The following CRIM1 variants were observed in gnomAD, a reference collection of about 807,000 sequenced individuals.
CRIM1 encodes cysteine rich transmembrane BMP regulator 1, also known as cysteine-rich motor neuron 1 protein.
CRIM1 carries 32 observed loss-of-function variants against 116.4 expected under a neutral mutation model. The ratio of observed to expected loss-of-function variants is 0.27; its 90% CI spans 0.21 to 0.37. The LOEUF (loss-of-function observed/expected upper bound fraction) is 0.37. Ranked by LOEUF, CRIM1 falls within the 10% of genes least tolerant of loss-of-function variation. The pLI, the probability that CRIM1 is intolerant of heterozygous loss-of-function variation, is 1.00. For synonymous variants in CRIM1, 590 were observed against 509.2 expected, an observed-to-expected ratio of 1.16 and a Z score of -2.13; for missense variants, 1,331 against 1,354.8, an observed-to-expected ratio of 0.98 and a Z score of 0.28.
intron 7 of CRIM1, among the ~76,000 whole-genome samples, chr2:36,480,704 C>G (rs559926284): frequency 2.6e-5 from 4 of 152,102 alleles, no homozygotes; most frequent in African/African-American, 9.7e-5. Flanking sequence ...CCTTAAAAAT[C>G]ATATAAAAGT....
chr2:36,537,359 A>G lies in CRIM1; in HGVS notation c.2436A>G (p.Thr812=), dbSNP rs1349662194. 1 of 1,614,194 alleles carries G rather than the reference A, an allele frequency of 6.2e-7. No homozygotes were observed. Among genetic ancestry groups the G allele is most frequent in the Non-Finnish European group, 8.5e-7 (1 of 1,180,026 alleles). The change falls in exon 14 of 17, where the codon ACA becomes ACG. Residue 812 remains threonine, a synonymous_variant. Coordinates refer to ENST00000280527, the MANE Select transcript of CRIM1 (RefSeq NM_016441.3). The stretch of plus-strand genomic sequence containing the variant: ...TGCTGTTCTTTTCACTAGAAGACAC[A>G]ATTCCAAAGAAGGTGGTGTGCCACT... ...GQCCPYCIED[T]IPKKVVCHFS...
rs1457779508 is a variant in CRIM1 at position 36,550,220 on chromosome 2, T to TAATC, written c.*1521_*1524dup. The TAATC allele has an allele frequency of 6.6e-6, 1 of 150,514 alleles. No homozygotes were observed. Among genetic ancestry groups the TAATC allele is most frequent in the East Asian group, 2.0e-4 (1 of 5,028 alleles). 9.3% of individuals were successfully genotyped at this position (150,514 alleles called of 1,614,324 possible). A position where few individuals can be genotyped will look rare whatever the true frequency, so the allele number is the denominator to read the frequency against. On this transcript the variant is annotated 3_prime_UTR_variant, in exon 17 of 17. Coordinates refer to ENST00000280527, the MANE Select transcript of CRIM1 (RefSeq NM_016441.3). ...TGATGGCAGTTCTTATCTGCATCAC[T>TAATC]AATCAGCTCCTGGATTTTTTTTTTT...
In CRIM1 at chr2:36,356,138, C is replaced by G. The variant is rs1442515806; in HGVS notation, c.-155C>G. ...CCGCAGAAGGGGCGGGGGCCTCGCCCCGCGAGGGGAGGCGCGCCCCGGGGG... is the reference window on the plus strand; with the variant it reads ...CCGCAGAAGGGGCGGGGGCCTCGCCGCGCGAGGGGAGGCGCGCCCCGGGGG... On this transcript the variant is annotated 5_prime_UTR_variant, in exon 1 of 17. Transcript: ENST00000280527. This position sits in a 1 kb window ranked among gnomAD's most constrained non-coding sequence, Gnocchi z 4.3. The G allele has an allele frequency of 5.8e-6, 1 of 171,086 alleles. No individual in the cohort carries two copies. The highest frequency in any genetic ancestry group is 1.2e-5 in the Non-Finnish European group (1 of 83,636). 10.6% of individuals were successfully genotyped at this position (171,086 alleles called of 1,614,324 possible).
intron 1 of CRIM1, among the ~76,000 whole-genome samples, chr2:36,385,742 C>G (rs72785175): frequency 3.3e-5 from 5 of 152,190 alleles, no homozygotes; most frequent in Non-Finnish European, 7.4e-5. Flanking sequence ...GACTACCTCA[C>G]TTTCCTGTTT....
intron 2 of CRIM1, among the ~76,000 whole-genome samples, chr2:36,438,514 ATTAG>A (rs1258043802): frequency 2.6e-5 from 4 of 152,102 alleles, no homozygotes; most frequent in Non-Finnish European, 5.9e-5. Context: ...GGAATTCCTT[ATTAG>A]TTAATCATGT....
intron 7 of CRIM1, among the ~76,000 whole-genome samples, chr2:36,487,873 A>G (rs1447659792): frequency 1.3e-5 from 2 of 152,216 alleles, no homozygotes; most frequent in East Asian, 3.8e-4. Flanking sequence ...TTAAATGGTC[A>G]TATACTGTAT....
chr2:36,362,615 C>T (rs896905968), intron 1 of CRIM1, among the ~76,000 whole-genome samples: 15 of 152,174 alleles, frequency 9.9e-5, no homozygotes, highest in Non-Finnish European at 1.3e-4. Flanking sequence ...GCTGCTTGCC[C>T]TGGGCAGTAG....
intron 1 of CRIM1, chr2:36,378,637 C>A: frequency 4.2e-6 from 1 of 238,766 alleles, no homozygotes; most frequent in Non-Finnish European, 8.5e-6. Flanking sequence ...TTGGTGGGGA[C>A]TGCTGTCCTA....
intron 2 of CRIM1, among the ~76,000 whole-genome samples, chr2:36,419,542 A>G (rs1173651481): frequency 1.3e-5 from 2 of 152,214 alleles, no homozygotes; most frequent in Non-Finnish European, 2.9e-5. Flanking sequence ...TGTTCTTGAT[A>G]ATGTACCACG....
chr2:36,484,766 A>T (rs953934485), intron 7 of CRIM1, among the ~76,000 whole-genome samples: 1 of 152,196 alleles, frequency 6.6e-6, no homozygotes, highest in African/African-American at 2.4e-5. Flanking sequence ...TGAAGCCAAC[A>T]CCAGAGTATC....
chr2:36,433,229 C>T (rs1209629193), intron 2 of CRIM1, among the ~76,000 whole-genome samples: 2 of 106,970 alleles, frequency 1.9e-5, no homozygotes, highest in Non-Finnish European at 3.9e-5. Context: ...TTCCAGCAAG[C>T]TCCCAAGCTC....
chr2:36,509,894 A>G, intron 8 of CRIM1, 89 bp from the exon 9 acceptor site: 1 of 1,123,978 alleles, frequency 8.9e-7, no homozygotes. Context: ...TCTGTGGAAG[A>G]GTGGAGGATT....
At chr2:36,508,158 G>T (rs1183878339) in intron 8 of CRIM1, among the ~76,000 whole-genome samples, 1 of 151,982 alleles carries the variant, frequency 6.6e-6, no homozygotes, top group East Asian at 1.9e-4. Flanking sequence ...CTCTTTTAAG[G>T]ATGCAAATTA....
In CRIM1 at chr2:36,537,534, C is replaced by T; in HGVS notation, c.2611C>T (p.Pro871Ser). The change falls in exon 14 of 17, where the codon CCA (proline) becomes TCA (serine). Residue 871 changes from proline (P) to serine (S), a missense_variant. Around this residue, in one of 3 missense-constraint regions of CRIM1, gnomAD observed 283 missense variants for 242.8 expected, o/e 1.17. Transcript: ENST00000280527. The stretch of plus-strand genomic sequence containing the variant: ...CATCAACGTGGAAGGAAGTTGCTGC[C>T]CAATGTGTCCAGGTATCTAAGCCAC... ...EPINVEGSCC[P>S]MCPEMYVPEP... 6.2e-7 allele frequency: 1 copy of T among 1,610,374 alleles called. No individual in the cohort carries two copies. The highest frequency in any genetic ancestry group is 1.1e-5 in the South Asian group (1 of 90,282).
At chr2:36,378,732 T>A in intron 1 of CRIM1, 1 of 153,476 alleles carries the variant, frequency 6.5e-6, no homozygotes, top group Non-Finnish European at 1.5e-5. Flanking sequence ...AAGTCTAATG[T>A]CTTTTTGGCT....
At chr2:36,471,845 G>A (rs149886321) in intron 5 of CRIM1, among the ~76,000 whole-genome samples, 3 of 152,080 alleles carry the variant, frequency 2.0e-5, no homozygotes, top group Non-Finnish European at 4.4e-5. Flanking sequence ...GACAAGTATG[G>A]ACTACAGTAC....
At chr2:36,539,346 C>T (rs2125172986) in intron 14 of CRIM1, among the ~76,000 whole-genome samples, 1 of 152,216 alleles carries the variant, frequency 6.6e-6, no homozygotes, top group East Asian at 1.9e-4. Context: ...GTTCAAGGTG[C>T]ATGTTCAGGA....
chr2:36,502,772 A>G (rs1430537317), intron 8 of CRIM1, among the ~76,000 whole-genome samples: 2 of 152,222 alleles, frequency 1.3e-5, no homozygotes, highest in Admixed American at 6.5e-5. Context: ...GTAGAGAAAG[A>G]ACTGCCCGTC....
At position 36,549,402 on chromosome 2, in the gene CRIM1, C is replaced by T. The variant is rs2125204655; in HGVS notation, c.*701C>T. ...TGCTTTTATTTTCTTCCAAGCCAAT[C>T]AATCAGCCAGTTCCTAGCAGAGTCA... On this transcript the variant is annotated 3_prime_UTR_variant, in exon 17 of 17. Coordinates refer to ENST00000280527, the MANE Select transcript of CRIM1 (RefSeq NM_016441.3). 1 of 152,570 alleles carries T rather than the reference C, an allele frequency of 6.6e-6. No homozygotes were observed. Among genetic ancestry groups the T allele is most frequent in the African/African-American group, 2.4e-5 (1 of 41,508 alleles). 9.5% of individuals were successfully genotyped at this position (152,570 alleles called of 1,614,324 possible).
Sources: gnomAD v4.1 joint callset for allele counts (sites outside exome capture counted in the v4.1 genomes callset) on GRCh38, gnomAD v4.1.1 for gene constraint, gnomAD v4.1.1 regional missense constraint, Gnocchi (gnomAD v3.1) non-coding constraint, MANE v1.5 for transcripts, NCBI Gene and HGNC (gene_info 2026-07-23, HGNC 2026-07-21) for gene names.